KNDC1: variants seen among roughly 807,000 people sequenced by gnomAD.
KNDC1 encodes kinase non-catalytic C-lobe domain containing 1.
KNDC1 carries 106 observed loss-of-function variants against 172.8 expected under a neutral mutation model. That is an observed-to-expected ratio of 0.61 (90% CI 0.52 to 0.72). KNDC1 has a LOEUF of 0.72. KNDC1 is among the 30% of genes least tolerant of loss of function. KNDC1 has a pLI of 0.00. For missense variants in KNDC1, 2,325 were observed against 2,394.5 expected (o/e 0.97, Z 0.61); for synonymous variants, 1,083 against 1,062.2 (o/e 1.02, Z -0.38).
intron 3 of KNDC1, among the ~76,000 whole-genome samples, chr10:133,178,003 TGTG>T (rs1034134147): frequency 6.7e-6 from 1 of 150,292 alleles, no homozygotes; most frequent in Non-Finnish European, 1.5e-5. Context: ...TGTGCATGTA[TGTG>T]GTGTGTGCAT....
chr10:133,218,979 G>A (rs751873615), intron 27 of KNDC1, 26 bp downstream of exon 27: 16 of 1,613,516 alleles, frequency 9.9e-6, no homozygotes, highest in Non-Finnish European at 1.4e-5. Flanking sequence ...GCCCCAAGGC[G>A]GGGGTGGGTA....
Position 133,163,757 on chromosome 10 carries a change from G to A in KNDC1, c.102+3188G>A, listed in dbSNP as rs1166533525. ...TTCTGAATGCACAGGGCCCCTAATG[G>A]GGACCTGCCATGAGATAAGGGTCCT... On this transcript the variant is annotated intron_variant, in intron 1 of 29. Transcript: ENST00000304613. This position sits in a 1 kb window ranked among gnomAD's most constrained non-coding sequence, Gnocchi z 4.4. Among the ~76,000 whole-genome samples the A allele has an allele frequency of 2.0e-5, 3 of 152,108 alleles. No homozygotes were observed. The highest frequency in any genetic ancestry group is 3.9e-4 in the East Asian group (2 of 5,188).
rs990147945 is a variant in KNDC1 at position 133,160,865 on chromosome 10, G to T, written c.102+296G>T. Reference sequence around the variant, plus strand: ...GTGGGGGCAGCAAGGAGGACGGAGGGGGGTCTGCTTACTCCCTGCCGGGCC... The same window carrying T: ...GTGGGGGCAGCAAGGAGGACGGAGGTGGGTCTGCTTACTCCCTGCCGGGCC... On this transcript the variant is annotated intron_variant, in intron 1 of 29. Transcript: ENST00000304613. 3.9e-5 allele frequency among the ~76,000 whole-genome samples: 6 copies of T among 152,218 alleles called. No homozygotes were observed. The South Asian group carries it at 6.2e-4, about 16-fold the overall frequency.
chr10:133,206,811 T>C (rs3008375), intron 18 of KNDC1, 33 bp downstream of exon 18: 1,392,758 of 1,613,166 alleles, frequency 0.86, 603,549 homozygotes, highest in Non-Finnish European at 0.89. Context: ...TCCGAGACCC[T>C]GGCTGCAGGC....
In KNDC1 at chr10:133,186,151, G is replaced by T. The variant is rs1347782470; in HGVS notation, c.803G>T (p.Arg268Ile). ...AAGGCTCTGCTGTCCACCCCGGTGA[G>T]AAATGGCGAGAGCCACAGCCGGGAG... ...PTKALLSTPV[R>I]NGESHSREGL... The change falls in exon 6 of 30, where the codon AGA (arginine) becomes ATA (isoleucine). Residue 268 changes from arginine (R) to isoleucine (I), a missense_variant. Transcript: ENST00000304613. 1 of 1,585,908 alleles carries T rather than the reference G, an allele frequency of 6.3e-7. No individual in the cohort carries two copies.
At chr10:133,162,186 C>T (rs570610296) in intron 1 of KNDC1, among the ~76,000 whole-genome samples, 1 of 152,358 alleles carries the variant, frequency 6.6e-6, no homozygotes, top group Admixed American at 6.5e-5. Flanking sequence ...GGTCCCTGGC[C>T]CAACCCTGTG....
chr10:133,197,185 T>A, intron 11 of KNDC1, 50 bp downstream of exon 11: 4 of 1,456,940 alleles, frequency 2.7e-6, no homozygotes, highest in Non-Finnish European at 3.8e-6. Flanking sequence ...CTTAGCTTCC[T>A]CCCTCCTGGA....
chr10:133,183,152 G>A lies in KNDC1; in HGVS notation c.361-192G>A, dbSNP rs551511869. Among the ~76,000 whole-genome samples the A allele has an allele frequency of 1.7e-3, 260 of 149,888 alleles. 1 individual carries two copies. The highest frequency in any genetic ancestry group is 5.0e-3 in the African/African-American group (204 of 40,710). On this transcript the variant is annotated intron_variant, in intron 3 of 29. Transcript: ENST00000304613. ...CGGTATGGGTGTGAGCAGCGTGGGC[G>A]CGGGCGGCGAGGGTGCCAGCGGCGT...
chr10:133,196,358 A>G (rs973578690), intron 10 of KNDC1, among the ~76,000 whole-genome samples: 1 of 152,102 alleles, frequency 6.6e-6, no homozygotes, highest in Admixed American at 6.5e-5. Flanking sequence ...CAGCGGGTGG[A>G]CCAGCAGGTG....
At chr10:133,169,170 G>T (rs976008108) in intron 3 of KNDC1, among the ~76,000 whole-genome samples, 2 of 152,202 alleles carry the variant, frequency 1.3e-5, no homozygotes, top group Non-Finnish European at 2.9e-5. Context: ...CTTGAAAGAA[G>T]AGTTTGGGGG....
chr10:133,193,203 C>G (rs923929513), intron 9 of KNDC1, among the ~76,000 whole-genome samples: 1 of 152,182 alleles, frequency 6.6e-6, no homozygotes, highest in Admixed American at 6.5e-5. Context: ...ACCCAGAAAC[C>G]TATTTCCAGC....
chr10:133,213,612 A>G, intron 24 of KNDC1, 33 bp from the exon 25 acceptor site: 2 of 1,599,398 alleles, frequency 1.3e-6, no homozygotes, highest in Non-Finnish European at 1.7e-6. Context: ...AAGGGATGGA[A>G]GCCTGAACCT....
At chr10:133,217,051 G>A (rs1043837330) in intron 26 of KNDC1, among the ~76,000 whole-genome samples, 15 of 152,354 alleles carry the variant, frequency 9.8e-5, no homozygotes, top group African/African-American at 3.1e-4. Flanking sequence ...CGTGTTGAAC[G>A]GGGACCGAGT....
At position 133,207,307 on chromosome 10, in the gene KNDC1, G is replaced by A. The variant is rs904955301; in HGVS notation, c.3750G>A (p.Leu1250=). The A allele has an allele frequency of 1.9e-6, 3 of 1,612,926 alleles. No individual in the cohort carries two copies. The highest frequency in any genetic ancestry group is 2.5e-6 in the Non-Finnish European group (3 of 1,179,944). Residue 1250 remains leucine (L), a synonymous_variant, in exon 20 of 30, where the codon CTG becomes CTA. Coordinates refer to ENST00000304613, the MANE Select transcript of KNDC1 (RefSeq NM_152643.8). ...GCGGCCGGCAGAAGGCCCGCATCCT[G>A]CAGGCCGGCACGCCGCTGGGGCTCA... ...HPGGRQKARI[L]QAGTPLGLMA... is the part of the protein sequence containing the mutation.
At chr10:133,218,059 CAA>C (rs35600165) in intron 26 of KNDC1, among the ~76,000 whole-genome samples, 9,910 of 100,492 alleles carry the variant, frequency 0.099, 772 homozygotes, top group African/African-American at 0.22. Flanking sequence ...GACTCCATCT[CAA>C]AAAAAAAAAA....
intron 20 of KNDC1, among the ~76,000 whole-genome samples, chr10:133,208,241 A>G (rs2136015226): frequency 6.9e-6 from 1 of 145,656 alleles, no homozygotes; most frequent in East Asian, 2.1e-4. Flanking sequence ...TACCCCAAGG[A>G]CCCTCTAGAG....
chr10:133,189,807 T>C lies in KNDC1; in HGVS notation c.1569T>C (p.Thr523=). ...APELAEERLV[T]EKASVYCVAA... ...AGCTGGCAGAGGAGAGGCTGGTAAC[T>C]GAAAAGGTACCCGGGCCCTCCCCAC... Residue 523 remains threonine, a synonymous_variant, in exon 9 of 30, where the codon ACT becomes ACC. Transcript: ENST00000304613. 3 of 1,613,454 alleles carry C rather than the reference T, an allele frequency of 1.9e-6. No homozygotes were observed. Among genetic ancestry groups the C allele is most frequent in the African/African-American group, 1.3e-5 (1 of 75,032 alleles).
chr10:133,197,082 C>T lies in KNDC1; in HGVS notation c.1759C>T (p.Arg587Ter), dbSNP rs200611534. Residue 587 changes from arginine to a stop codon, truncating the protein, a stop_gained, in exon 11 of 30, where the codon CGA becomes TGA. Transcript: ENST00000304613. LOFTEE classifies it high-confidence loss of function. Reference sequence around the variant, plus strand: ...GGTGTGCGGCAGCTACCTCCTCCAGCGAGGCATGGACAGCCGGAAAATCCT... The same window carrying T: ...GGTGTGCGGCAGCTACCTCCTCCAGTGAGGCATGGACAGCCGGAAAATCCT... ...IKVCGSYLLQRGMDSRKILAH... is the reference protein window; with the variant it reads ...IKVCGSYLLQ The T allele has an allele frequency of 3.7e-6, 6 of 1,613,140 alleles. No individual in the cohort carries two copies. In the Admixed American group the frequency reaches 5.0e-5, roughly 13 times the overall value.
intron 3 of KNDC1, among the ~76,000 whole-genome samples, chr10:133,169,832 GTCATGTCATAATCCAGC>G (rs1306496866): frequency 6.6e-6 from 1 of 152,232 alleles, no homozygotes; most frequent in Non-Finnish European, 1.5e-5. Flanking sequence ...TGCGTTCCTA[GTCATGTCATAATCCAGC>G]TCAGACCTGG....
Sources: gnomAD v4.1 joint callset for allele counts (sites outside exome capture counted in the v4.1 genomes callset) on GRCh38, gnomAD v4.1.1 for gene constraint, Gnocchi (gnomAD v3.1) non-coding constraint, MANE v1.5 for transcripts, NCBI Gene and HGNC (gene_info 2026-07-23, HGNC 2026-07-21) for gene names.